Variants in CHCHD6 observed in about 807,000 individuals in gnomAD.
CHCHD6 encodes coiled-coil-helix-coiled-coil-helix domain containing 6.
A neutral mutation model predicts 32.3 loss-of-function variants in CHCHD6; 28 were observed. The observed-to-expected ratio is 0.87, with a 90% CI of 0.64 to 1.19. CHCHD6 has a LOEUF of 1.19. Among genes scored for constraint, CHCHD6 ranks in the 50% most tolerant of loss-of-function variants. The pLI is 0.00. For missense variants in CHCHD6, 333 were observed against 307.0 expected (o/e 1.08, Z -0.63); for synonymous variants, 122 against 117.5 (o/e 1.04, Z -0.25).
chr3:126,773,935 G>A (rs1352411329), intron 4 of CHCHD6, among the ~76,000 whole-genome samples: 2 of 152,098 alleles, frequency 1.3e-5, no homozygotes, highest in African/African-American at 4.8e-5. Flanking sequence ...TTCTGTGGGA[G>A]GATGAGAGCT....
chr3:126,940,005 A>G (rs1045029641), intron 6 of CHCHD6, among the ~76,000 whole-genome samples: 2 of 152,210 alleles, frequency 1.3e-5, no homozygotes, highest in Admixed American at 1.3e-4. Flanking sequence ...TACAGTATGT[A>G]GATTTAGTGT....
intron 6 of CHCHD6, among the ~76,000 whole-genome samples, chr3:126,933,721 A>G (rs1020280211): frequency 6.6e-6 from 1 of 152,196 alleles, no homozygotes; most frequent in African/African-American, 2.4e-5. Flanking sequence ...AACACTGGGG[A>G]GTCACATTTC....
intron 4 of CHCHD6, among the ~76,000 whole-genome samples, chr3:126,846,068 A>T (rs1941285324): frequency 6.6e-6 from 1 of 152,194 alleles, no homozygotes; most frequent in Admixed American, 6.5e-5. Context: ...GAAAACCTGT[A>T]GTCCACAGGC....
At chr3:126,853,815 G>T (rs542118762) in intron 5 of CHCHD6, among the ~76,000 whole-genome samples, 5 of 152,234 alleles carry the variant, frequency 3.3e-5, no homozygotes, top group Admixed American at 6.5e-5. Context: ...TCATGCACAG[G>T]TTTGACTGTA....
chr3:126,931,697 G>A (rs541499729), intron 6 of CHCHD6, among the ~76,000 whole-genome samples: 45 of 152,224 alleles, frequency 3.0e-4, no homozygotes, highest in Admixed American at 1.6e-3. Context: ...TACCCACCTT[G>A]GGACCTTTCT....
chr3:126,788,139 G>A (rs183043764), intron 4 of CHCHD6, among the ~76,000 whole-genome samples: 1,556 of 152,196 alleles, frequency 0.01, 28 homozygotes, highest in African/African-American at 0.035. Context: ...ATTGATTTGC[G>A]TATGTTGAAC....
At chr3:126,710,510 A>C (rs77085685) in intron 1 of CHCHD6, among the ~76,000 whole-genome samples, 1 of 152,216 alleles carries the variant, frequency 6.6e-6, no homozygotes, top group Admixed American at 6.5e-5. Flanking sequence ...TGTTGACTCT[A>C]TAGATTACTT....
intron 4 of CHCHD6, among the ~76,000 whole-genome samples, chr3:126,835,655 G>A (rs1673549779): frequency 6.6e-6 from 1 of 152,222 alleles, no homozygotes; most frequent in African/African-American, 2.4e-5. Context: ...CTTACTGTTT[G>A]GAGCTGCAGT....
At chr3:126,836,491 A>G (rs985075067) in intron 4 of CHCHD6, among the ~76,000 whole-genome samples, 2 of 152,104 alleles carry the variant, frequency 1.3e-5, no homozygotes, top group Non-Finnish European at 2.9e-5. Flanking sequence ...ACCATCTGAC[A>G]CCACATTCAC....
chr3:126,929,356 C>T (rs576129405), intron 6 of CHCHD6, among the ~76,000 whole-genome samples: 11 of 152,192 alleles, frequency 7.2e-5, no homozygotes, highest in Non-Finnish European at 1.3e-4. Flanking sequence ...ACTGAACTCA[C>T]CATGTTGTCT....
intron 5 of CHCHD6, among the ~76,000 whole-genome samples, chr3:126,899,806 C>G (rs539422345): frequency 6.6e-6 from 1 of 152,226 alleles, no homozygotes; most frequent in Admixed American, 6.5e-5. Flanking sequence ...TTAGCATGAA[C>G]CTTACCTGAA....
chr3:126,758,358 TG>T (rs1191089300), intron 4 of CHCHD6, among the ~76,000 whole-genome samples: 1 of 152,236 alleles, frequency 6.6e-6, no homozygotes, highest in East Asian at 1.9e-4. Context: ...ATTATGTAAA[TG>T]GCATTACAAA....
At chr3:126,864,003 C>T (rs1456218142) in intron 5 of CHCHD6, among the ~76,000 whole-genome samples, 7 of 150,188 alleles carry the variant, frequency 4.7e-5, no homozygotes, top group Admixed American at 4.0e-4. Flanking sequence ...CTACCTTCTC[C>T]CCCACTATCA....
chr3:126,904,164 C>T (rs754153760), intron 5 of CHCHD6, among the ~76,000 whole-genome samples: 26 of 152,204 alleles, frequency 1.7e-4, no homozygotes, highest in Non-Finnish European at 3.5e-4. Context: ...CATACTGTCT[C>T]CTACAGGGAC....
At chr3:126,844,227 T>G (rs1941207076) in intron 4 of CHCHD6, among the ~76,000 whole-genome samples, 1 of 152,206 alleles carries the variant, frequency 6.6e-6, no homozygotes, top group Non-Finnish European at 1.5e-5. Context: ...GTCATTTGGG[T>G]CACGTTGGAT....
intron 5 of CHCHD6, among the ~76,000 whole-genome samples, chr3:126,914,119 G>A (rs2078134961): frequency 6.6e-6 from 1 of 152,202 alleles, no homozygotes; most frequent in Non-Finnish European, 1.5e-5. Flanking sequence ...TTCCCAGACT[G>A]GGAATCTAGA....
intron 6 of CHCHD6, among the ~76,000 whole-genome samples, chr3:126,945,947 G>C (rs1265316391): frequency 6.6e-6 from 1 of 152,056 alleles, no homozygotes; most frequent in Non-Finnish European, 1.5e-5. Flanking sequence ...CCACAGTCTG[G>C]AGTGCTAGGG....
At chr3:126,956,515 G>T (rs1195878512) in intron 6 of CHCHD6, among the ~76,000 whole-genome samples, 1 of 152,190 alleles carries the variant, frequency 6.6e-6, no homozygotes, top group African/African-American at 2.4e-5. Context: ...GTAAGGAGCA[G>T]CACTGAGCAC....
chr3:126,797,597 T>A (rs757259838), intron 4 of CHCHD6, among the ~76,000 whole-genome samples: 1 of 152,230 alleles, frequency 6.6e-6, no homozygotes, highest in Non-Finnish European at 1.5e-5. Flanking sequence ...AAATGTATTT[T>A]TTTTAATACA....
Sources: gnomAD v4.1 joint callset for allele counts (sites outside exome capture counted in the v4.1 genomes callset) on GRCh38, gnomAD v4.1.1 for gene constraint, MANE v1.5 for transcripts, NCBI Gene and HGNC (gene_info 2026-07-23, HGNC 2026-07-21) for gene names.